The following GON4L variants were observed in gnomAD, a reference collection of about 807,000 sequenced individuals.
GON4L encodes gon-4 like, also known as GON-4-like protein.
A neutral mutation model predicts 211.8 loss-of-function variants in GON4L; 87 were observed. The observed-to-expected ratio is 0.41, with a 90% confidence interval of 0.35 to 0.49. The LOEUF is 0.49. Ranked by LOEUF, GON4L falls within the 20% of genes least tolerant of loss-of-function variation. GON4L has a pLI of 0.15. For synonymous variants in GON4L, 875 were observed against 962.6 expected (o/e 0.91, Z 1.68); for missense variants, 2,155 against 2,659.5 (o/e 0.81, Z 4.17).
intron 2 of GON4L, chr1:155,846,189 T>A (rs1053018494): frequency 7.4e-5 from 17 of 230,352 alleles, no homozygotes; most frequent in Non-Finnish European, 1.5e-4. Flanking sequence ...CACAACCTCA[T>A]CAACAAGATT....
At chr1:155,797,761 G>C (rs1467246362) in intron 11 of GON4L, among the ~76,000 whole-genome samples, 1 of 151,336 alleles carries the variant, frequency 6.6e-6, no homozygotes, top group Non-Finnish European at 1.5e-5. Flanking sequence ...GCTGAGGCAG[G>C]AGAATCACTT....
chr1:155,757,780 A>G (rs1661349336), intron 25 of GON4L, 111 bp downstream of exon 25: 1 of 151,046 alleles, frequency 6.6e-6, no homozygotes, highest in East Asian at 1.4e-4. Context: ...TCCTCCAGGA[A>G]GCCCATGAGC....
At chr1:155,857,806 T>C (rs1447552972), upstream of GON4L, among the ~76,000 whole-genome samples, 1 of 152,058 alleles carries the variant, frequency 6.6e-6, no homozygotes, top group Non-Finnish European at 1.5e-5. Flanking sequence ...GAAGAAGTCA[T>C]AAAATGCCAG....
chr1:155,832,360 C>A (rs985671894), intron 2 of GON4L, among the ~76,000 whole-genome samples: 5 of 151,044 alleles, frequency 3.3e-5, no homozygotes, highest in Non-Finnish European at 5.9e-5. Context: ...CGGCAAGGTG[C>A]GCCTAGCGCA....
intron 28 of GON4L, chr1:155,753,988 G>T: frequency 3.1e-6 from 1 of 325,674 alleles, no homozygotes; most frequent in Non-Finnish European, 5.9e-6. Flanking sequence ...AAATGGCCCC[G>T]AATAGAGTAT....
chr1:155,817,269 T>C (rs768029499), intron 6 of GON4L, among the ~76,000 whole-genome samples: 22 of 152,206 alleles, frequency 1.4e-4, no homozygotes, highest in Non-Finnish European at 2.5e-4. Flanking sequence ...ACTGGGATTA[T>C]AGGTGTGAGC....
At chr1:155,772,660 T>C (rs1179386390) in intron 18 of GON4L, among the ~76,000 whole-genome samples, 1 of 151,912 alleles carries the variant, frequency 6.6e-6, no homozygotes. Context: ...CCGTGGAGGC[T>C]GAGGTGCAAG....
chr1:155,821,429 T>C, intron 5 of GON4L, 45 bp downstream of exon 5: 1 of 1,193,694 alleles, frequency 8.4e-7, no homozygotes, highest in Non-Finnish European at 1.3e-6. Flanking sequence ...AGTTTAGAGA[T>C]AACTCTGTTC....
chr1:155,786,800 A>T (rs1664987420), intron 12 of GON4L, among the ~76,000 whole-genome samples: 1 of 152,122 alleles, frequency 6.6e-6, no homozygotes, highest in Non-Finnish European at 1.5e-5. Flanking sequence ...TAGAGGCAGC[A>T]TGTTGCTATG....
intron 27 of GON4L, among the ~76,000 whole-genome samples, chr1:155,755,197 A>G (rs1251404725): frequency 6.6e-6 from 1 of 151,552 alleles, no homozygotes; most frequent in African/African-American, 2.4e-5. Context: ...CAGCCTCCCA[A>G]GTAGCTGGGA....
In GON4L at chr1:155,760,613, C is replaced by T. The variant is rs1389470377; in HGVS notation, c.4940G>A (p.Gly1647Asp). Residue 1647 changes from glycine to aspartate, a missense_variant, in exon 24 of 32, where the codon GGC becomes GAC. By Grantham distance (94) the Gly-to-Asp change is moderately conservative (BLOSUM62 -1). Transcript: ENST00000368331. ...GACTTGAAGGAAGTCTTCATACTTG[C>T]CAGGGATATGTTGTAGGGCTTCTCG... ...RVREALQHIP[G>D]KYEDFLQVIY... 3 of 1,613,148 alleles carry T rather than the reference C, an allele frequency of 1.9e-6. No individual in the cohort carries two copies. Among genetic ancestry groups the T allele is most frequent in the Non-Finnish European group, 2.5e-6 (3 of 1,179,206 alleles).
Position 155,800,127 on chromosome 1 carries a change from AGGC to A in GON4L, c.1645+4819_1645+4821del, listed in dbSNP as rs1306073114. On this transcript the variant is annotated intron_variant, in intron 11 of 31. Coordinates refer to ENST00000368331, the MANE Select transcript of GON4L (RefSeq NM_001282860.2). Reference sequence around the variant, plus strand: ...GGCAGGAAAATCGCTTGAACCTGGGAGGCAGAGGTTGCGGTGAGCTGAGATCGT... The same window carrying A: ...GGCAGGAAAATCGCTTGAACCTGGGAAGAGGTTGCGGTGAGCTGAGATCGT... Among the ~76,000 whole-genome samples, 191 of 151,958 alleles carry A rather than the reference AGGC, an allele frequency of 1.3e-3. 1 individual carries two copies. The highest frequency in any genetic ancestry group is 4.4e-3 in the African/African-American group (184 of 41,438).
At chr1:155,843,698 C>T (rs890258458) in intron 2 of GON4L, among the ~76,000 whole-genome samples, 1 of 152,142 alleles carries the variant, frequency 6.6e-6, no homozygotes, top group African/African-American at 2.4e-5. Flanking sequence ...GTGCCTCCTC[C>T]AGGACCAATA....
In GON4L at chr1:155,853,259, G is replaced by A. The variant is rs369296856; in HGVS notation, c.505+17C>T. 1 of 1,606,346 alleles carries A rather than the reference G, an allele frequency of 6.2e-7. No homozygotes were observed. Among genetic ancestry groups the A allele is most frequent in the East Asian group, 2.2e-5 (1 of 44,858 alleles). On this transcript the variant is annotated intron_variant, in intron 2 of 31. Transcript: ENST00000368331. ...GGTATTGACAAGAATGTAACCTAGA[G>A]ACCTTGTATACCTTACCTCCTTCTT...
At chr1:155,754,528 T>TG in intron 27 of GON4L, 40 bp from the exon 28 acceptor site, 1 of 962,712 alleles carries the variant, frequency 1.0e-6, no homozygotes, top group Non-Finnish European at 1.5e-6. Context: ...CAAGTTGTTT[T>TG]TTTTTTTTTT....
intron 17 of GON4L, among the ~76,000 whole-genome samples, chr1:155,774,244 A>G (rs1663525731): frequency 6.6e-6 from 1 of 152,172 alleles, no homozygotes; most frequent in African/African-American, 2.4e-5. Flanking sequence ...TTGCAAGTCA[A>G]TATTTCATTC....
downstream of GON4L, chr1:155,749,566 A>G (rs1345690587): frequency 6.4e-6 from 9 of 1,416,576 alleles, 1 homozygote; most frequent in African/African-American, 2.1e-5. Context: ...GCTCCTCCTT[A>G]CCCCCACCTC....
intron 2 of GON4L, among the ~76,000 whole-genome samples, chr1:155,835,741 C>T (rs1205944988): frequency 1.3e-5 from 2 of 152,224 alleles, no homozygotes; most frequent in Non-Finnish European, 2.9e-5. Flanking sequence ...GCTTCTCTTA[C>T]AGAGCAGCCA....
chr1:155,769,478 C>G (rs568982681), intron 19 of GON4L, among the ~76,000 whole-genome samples: 8 of 151,974 alleles, frequency 5.3e-5, no homozygotes, highest in Admixed American at 5.3e-4. Flanking sequence ...GAGAGCAACA[C>G]GCTTAGAGTG....
Sources: allele counts gnomAD v4.1 joint callset (sites outside exome capture counted in the v4.1 genomes callset), GRCh38; gene constraint gnomAD v4.1.1; transcripts MANE v1.5; gene names NCBI Gene and HGNC (gene_info 2026-07-23, HGNC 2026-07-21).